CENPP: variants seen among roughly 807,000 people sequenced by gnomAD.
CENPP encodes the protein centromere protein P.
CENPP carries 24 observed loss-of-function variants against 35.6 expected under a neutral mutation model. The observed-to-expected ratio is 0.67, with a 90% CI of 0.49 to 0.95. The LOEUF is 0.95. Ranked by LOEUF, CENPP falls within the 40% of genes least tolerant of loss-of-function variation. CENPP has a pLI of 0.00. For missense variants in CENPP, 332 were observed against 345.3 expected, an observed-to-expected ratio of 0.96 and a Z score of 0.31; for synonymous variants, 120 against 125.5, an observed-to-expected ratio of 0.96 and a Z score of 0.29.
chr9:92,465,162 G>A (rs995035085), intron 5 of CENPP: 4 of 660,156 alleles, frequency 6.1e-6, no homozygotes, highest in Middle Eastern at 2.7e-4. Flanking sequence ...ATTTTCACTC[G>A]GTATATCTGC....
At chr9:92,363,792 C>T (rs1362519170) in intron 4 of CENPP, among the ~76,000 whole-genome samples, 1 of 151,974 alleles carries the variant, frequency 6.6e-6, no homozygotes, top group African/African-American at 2.4e-5. Context: ...AAACTTGGCT[C>T]CTAGAAATAT....
chr9:92,331,080 C>T (rs1177916555), intron 1 of CENPP, among the ~76,000 whole-genome samples: 2 of 152,172 alleles, frequency 1.3e-5, no homozygotes, highest in Non-Finnish European at 1.5e-5. Flanking sequence ...AAGAGATTTG[C>T]TATTTCTTTT....
intron 3 of CENPP, among the ~76,000 whole-genome samples, chr9:92,344,100 T>C (rs1841206834): frequency 6.6e-6 from 1 of 152,100 alleles, no homozygotes; most frequent in Non-Finnish European, 1.5e-5. Context: ...AATGTGGTAC[T>C]GAGACACATG....
chr9:92,413,061 C>T (rs149441046), intron 5 of CENPP, among the ~76,000 whole-genome samples: 197 of 148,436 alleles, frequency 1.3e-3, no homozygotes, highest in African/African-American at 4.6e-3. Context: ...CTTGGCTCAC[C>T]GCAACTTCTG....
At chr9:92,361,835 G>T (rs772877348) in intron 4 of CENPP, among the ~76,000 whole-genome samples, 37 of 152,208 alleles carry the variant, frequency 2.4e-4, no homozygotes, top group Non-Finnish European at 4.3e-4. Context: ...ACAGTGCAGT[G>T]ATCAACTTCA....
chr9:92,346,456 A>T (rs1564270864), intron 4 of CENPP, among the ~76,000 whole-genome samples: 1 of 152,226 alleles, frequency 6.6e-6, no homozygotes, highest in East Asian at 1.9e-4. Flanking sequence ...ACAGGGCCAC[A>T]GTGACAGGTG....
chr9:92,597,585 G>C (rs1245870436), intron 5 of CENPP, among the ~76,000 whole-genome samples: 1 of 152,200 alleles, frequency 6.6e-6, no homozygotes, highest in African/African-American at 2.4e-5. Context: ...TACATAAAGA[G>C]AAAATTGTGG....
At chr9:92,509,235 T>G (rs1847191934) in intron 5 of CENPP, among the ~76,000 whole-genome samples, 1 of 152,002 alleles carries the variant, frequency 6.6e-6, no homozygotes. Flanking sequence ...AGGACTTCAG[T>G]GACATATGAG....
chr9:92,431,002 G>T (rs1176382951), intron 5 of CENPP, among the ~76,000 whole-genome samples: 1 of 151,974 alleles, frequency 6.6e-6, no homozygotes, highest in African/African-American at 2.4e-5. Context: ...CACCATGTCG[G>T]CCAGGATGGT....
At chr9:92,602,852 G>A (rs1207883366) in intron 5 of CENPP, among the ~76,000 whole-genome samples, 1 of 149,378 alleles carries the variant, frequency 6.7e-6, no homozygotes, top group Non-Finnish European at 1.5e-5. Context: ...TTTTTTTGGC[G>A]CAATTTCGGC....
At chr9:92,358,015 T>C (rs530941213) in intron 4 of CENPP, among the ~76,000 whole-genome samples, 2 of 152,312 alleles carry the variant, frequency 1.3e-5, no homozygotes, top group Non-Finnish European at 2.9e-5. Flanking sequence ...TGTCTTTGTC[T>C]TTTGACAGCT....
At chr9:92,361,105 A>G (rs1841735900) in intron 4 of CENPP, among the ~76,000 whole-genome samples, 1 of 151,038 alleles carries the variant, frequency 6.6e-6, no homozygotes, top group Admixed American at 6.6e-5. Context: ...ATAAATACTT[A>G]AGTGTGTATT....
chr9:92,408,086 G>T (rs2031262), intron 5 of CENPP, among the ~76,000 whole-genome samples: 63,278 of 152,134 alleles, frequency 0.42, 15,761 homozygotes, highest in East Asian at 0.8. Flanking sequence ...TTCAATGAAT[G>T]CTACAAACCA....
chr9:92,514,548 T>G, intron 5 of CENPP: 1 of 1,502,102 alleles, frequency 6.7e-7, no homozygotes, highest in Non-Finnish European at 8.9e-7. Context: ...GTGCTGAGAT[T>G]ATAGGCGTGA....
intron 5 of CENPP, among the ~76,000 whole-genome samples, chr9:92,600,028 T>C (rs1275290194): frequency 1.3e-5 from 2 of 152,206 alleles, no homozygotes; most frequent in African/African-American, 2.4e-5. Context: ...TTTGCAGCCA[T>C]GTAGTCTGCT....
chr9:92,345,941 A>G (rs181209927), intron 4 of CENPP, among the ~76,000 whole-genome samples, 154 bp downstream of exon 4: 3 of 152,334 alleles, frequency 2.0e-5, no homozygotes, highest in Non-Finnish European at 2.9e-5. Flanking sequence ...CATATTCTCT[A>G]TATCTATCAT....
At chr9:92,607,579 T>C (rs772707156) in intron 5 of CENPP, among the ~76,000 whole-genome samples, 3 of 152,230 alleles carry the variant, frequency 2.0e-5, no homozygotes, top group Non-Finnish European at 4.4e-5. Flanking sequence ...TATATGAATT[T>C]ATCTCAATTC....
At chr9:92,328,318 A>T (rs1332092636) in intron 1 of CENPP, among the ~76,000 whole-genome samples, 2 of 152,070 alleles carry the variant, frequency 1.3e-5, no homozygotes, top group African/African-American at 2.4e-5. Context: ...TATTTTTTTA[A>T]GTGATTATAA....
At chr9:92,524,246 T>C (rs749462096) in intron 5 of CENPP, among the ~76,000 whole-genome samples, 5 of 152,130 alleles carry the variant, frequency 3.3e-5, no homozygotes, top group African/African-American at 4.8e-5. Context: ...TAGCATCAGT[T>C]ATAAGGAGGT....
Sources: gnomAD v4.1 joint callset for allele counts (sites outside exome capture counted in the v4.1 genomes callset) on GRCh38, gnomAD v4.1.1 for gene constraint, MANE v1.5 for transcripts, NCBI Gene and HGNC (gene_info 2026-07-23, HGNC 2026-07-21) for gene names.